The following IRF5 variants were observed in gnomAD, a reference collection of about 807,000 sequenced individuals.
The protein encoded by IRF5 is interferon regulatory factor 5.
A neutral mutation model predicts 55.1 loss-of-function variants in IRF5; 24 were observed. That is an observed-to-expected ratio of 0.44 (90% CI 0.32 to 0.61). The LOEUF is 0.61. Among genes scored for constraint, IRF5 ranks in the 20% least tolerant of loss-of-function variants. The pLI is 0.07. For missense variants in IRF5, 499 were observed against 658.5 expected (o/e 0.76, Z 2.65); for synonymous variants, 258 against 260.2 (o/e 0.99, Z 0.08).
rs1450583194 is a variant in IRF5, at chr7:128,948,305, G to A, written c.1276G>A (p.Glu426Lys). ...GEEWPDRKPR[E>K]KKLITVQVVP... ...AGAATGGCCTGACCGCAAACCCCGA[G>A]AGAAGAAGCTCATTACTGTACAGGT... Residue 426 changes from glutamate (E) to lysine (K), a missense_variant, in exon 8 of 9, where the codon GAG becomes AAG. Around this residue, in one of 2 missense-constraint regions of IRF5, gnomAD observed 194 missense variants for 318.3 expected, o/e 0.61. Transcript: ENST00000357234. This position sits in a 1 kb window ranked among gnomAD's most constrained non-coding sequence, Gnocchi z 4.6. 1 of 1,609,720 alleles carries A rather than the reference G, an allele frequency of 6.2e-7. No homozygotes were observed. Among genetic ancestry groups the A allele is most frequent in the African/African-American group, 1.3e-5 (1 of 74,430 alleles).
rs372880870 is a variant in IRF5, at chr7:128,942,183, A to G, written c.102A>G (p.Gln34=). The G allele has an allele frequency of 3.5e-5, 56 of 1,613,908 alleles. No homozygotes were observed. Among genetic ancestry groups the G allele is most frequent in the Non-Finnish European group, 4.5e-5 (53 of 1,179,974 alleles). ...ACAGCTGCCAGTACCCAGGGCTTCA[A>G]TGGGTCAACGGGGAAAAGAAATTAT... is the stretch of plus-strand genomic sequence containing the variant. ...QVNSCQYPGL[Q]WVNGEKKLFC... is the part of the protein sequence containing the mutation. The change falls in exon 2 of 9, where the codon CAA becomes CAG. Residue 34 remains glutamine (Q), a synonymous_variant. Transcript: ENST00000357234.
chr7:128,942,224 G>C lies in IRF5; in HGVS notation c.143G>C (p.Arg48Thr). Residue 48 changes from arginine to threonine, a missense_variant, in exon 2 of 9, where the codon AGG (arginine) becomes ACG (threonine). Physicochemically the swap from Arg to Thr is moderately conservative, Grantham distance 71. Around this residue, in one of 2 missense-constraint regions of IRF5, gnomAD observed 305 missense variants for 340.2 expected, o/e 0.90. Transcript: ENST00000357234. ...GEKKLFCIPW[R>T]HATRHGPSQD... ...AAGAAATTATTCTGCATCCCCTGGA[G>C]GCATGCCACAAGGCATGGTCCCAGC... 6.2e-7 allele frequency: 1 copy of C among 1,614,060 alleles called. No individual in the cohort carries two copies. The highest frequency in any genetic ancestry group is 8.5e-7 in the Non-Finnish European group (1 of 1,179,984).
Position 128,946,452 on chromosome 7 carries a change from T to C in IRF5, c.386-49T>C. The C allele has an allele frequency of 6.4e-7, 1 of 1,567,098 alleles. No homozygotes were observed. The highest frequency in any genetic ancestry group is 1.2e-5 in the South Asian group (1 of 85,166). On this transcript the variant is annotated intron_variant, in intron 3 of 8. Transcript: ENST00000357234. This position sits in a 1 kb window ranked among gnomAD's most constrained non-coding sequence, Gnocchi z 4.2. ...GCCTCTCAGGGGATCTTGCTTCTCC[T>C]CCGACATTGACTCCTTTACTGCCCT...
Position 128,949,026 on chromosome 7 carries a change from C to T in IRF5, c.*208C>T. Reference sequence around the variant, plus strand: ...TCTCCTGGGCTGTCTCTGGTCTGGTCAGCCTGGCTCTCGGGAAATTCAGCC... The same window carrying T: ...TCTCCTGGGCTGTCTCTGGTCTGGTTAGCCTGGCTCTCGGGAAATTCAGCC... On this transcript the variant is annotated 3_prime_UTR_variant, in exon 9 of 9. Coordinates refer to ENST00000357234, the MANE Select transcript of IRF5 (RefSeq NM_001098629.3). 3 of 603,854 alleles carry T rather than the reference C, an allele frequency of 5.0e-6. No homozygotes were observed. Among genetic ancestry groups the T allele is most frequent in the Non-Finnish European group, 2.9e-6 (1 of 348,010 alleles). The allele number at this position is 603,854 out of a possible 1,614,324, so 37.4% of individuals were successfully genotyped here. A position where few individuals can be genotyped will look rare whatever the true frequency, so the allele number is the denominator to read the frequency against.
chr7:128,948,948 G>T lies in IRF5; in HGVS notation c.*130G>T. The T allele has an allele frequency of 8.7e-7, 1 of 1,143,346 alleles. No homozygotes were observed. Among genetic ancestry groups the T allele is most frequent in the Non-Finnish European group, 1.2e-6 (1 of 822,980 alleles). The allele number at this position is 1,143,346 out of a possible 1,614,324, so 70.8% of individuals were successfully genotyped here. ...CTCTGGGTTTCCTGGAAGTGGATTT[G>T]GGCCAAGAAGGAGAGGGAGAAAGGC... On this transcript the variant is annotated 3_prime_UTR_variant, in exon 9 of 9. Transcript: ENST00000357234. This position sits in a 1 kb window ranked among gnomAD's most constrained non-coding sequence, Gnocchi z 4.6.
intron 1 of IRF5, among the ~76,000 whole-genome samples, chr7:128,939,353 C>A (rs1002796700): frequency 9.2e-5 from 14 of 152,084 alleles, no homozygotes; most frequent in African/African-American, 3.1e-4. Context: ...CTACCCTGAC[C>A]CTGGGAGGAA....
chr7:128,948,014 G>A lies in IRF5; in HGVS notation c.1073G>A (p.Cys358Tyr), dbSNP rs1563078240. 6.2e-7 allele frequency: 1 copy of A among 1,614,188 alleles called. No individual in the cohort carries two copies. Among genetic ancestry groups the A allele is most frequent in the African/African-American group, 1.3e-5 (1 of 75,064 alleles). Residue 358 changes from cysteine (C) to tyrosine (Y), a missense_variant, in exon 7 of 9, where the codon TGC becomes TAC. Cys to Tyr is a radical substitution (Grantham distance 194). Around this residue, in one of 2 missense-constraint regions of IRF5, gnomAD observed 194 missense variants for 318.3 expected, o/e 0.61. Transcript: ENST00000357234. The surrounding 1 kb of genome is among the most constrained non-coding windows in gnomAD (Gnocchi z 4.6). ...QDLYAIRLCQ[C>Y]KVFWSGPCAS... ...CTTTATGCCATCCGCCTGTGTCAGTGCAAGGTGTTCTGGAGCGGGCCTTGT... is the reference window on the plus strand; with the variant it reads ...CTTTATGCCATCCGCCTGTGTCAGTACAAGGTGTTCTGGAGCGGGCCTTGT...
rs190039770 is a variant in IRF5, at chr7:128,947,670, C to T, written c.788-59C>T. 981 of 1,525,220 alleles carry T rather than the reference C, an allele frequency of 6.4e-4. 1 individual carries two copies. Among genetic ancestry groups the T allele is most frequent in the Middle Eastern group, 9.0e-4 (5 of 5,556 alleles). 94.5% of individuals were successfully genotyped at this position (1,525,220 alleles called of 1,614,324 possible). ...GATGGGGCTGGGCCTGGCCACTGGG[C>T]TGCAGAATGGGGAGGCGTGGGGCTC... On this transcript the variant is annotated intron_variant, in intron 6 of 8. Coordinates refer to ENST00000357234, the MANE Select transcript of IRF5 (RefSeq NM_001098629.3). The surrounding 1 kb of genome is among the most constrained non-coding windows in gnomAD (Gnocchi z 6.5).
At chr7:128,939,524 T>C (rs1795910545) in intron 1 of IRF5, among the ~76,000 whole-genome samples, 1 of 151,990 alleles carries the variant, frequency 6.6e-6, no homozygotes. Context: ...CTGAGCTGGG[T>C]GTGGGTTTGC....
Position 128,942,201 on chromosome 7 carries a change from G to T in IRF5, c.120G>T (p.Lys40Asn), listed in dbSNP as rs780812353. 3.3e-5 allele frequency: 54 copies of T among 1,614,002 alleles called. No individual in the cohort carries two copies. Among genetic ancestry groups the T allele is most frequent in the Non-Finnish European group, 4.4e-5 (52 of 1,180,008 alleles). ...GGCTTCAATGGGTCAACGGGGAAAA[G>T]AAATTATTCTGCATCCCCTGGAGGC... ...YPGLQWVNGE[K>N]KLFCIPWRHA... is the part of the protein sequence containing the mutation. Residue 40 changes from lysine to asparagine, a missense_variant, in exon 2 of 9, where the codon AAG (lysine) becomes AAT (asparagine). By Grantham distance (94) the Lys-to-Asn change is moderately conservative. Around this residue, in one of 2 missense-constraint regions of IRF5, gnomAD observed 305 missense variants for 340.2 expected, o/e 0.90. Transcript: ENST00000357234.
In IRF5 at chr7:128,948,548, G is replaced by A. The variant is rs1402405826; in HGVS notation, c.1300-25G>A. The A allele has an allele frequency of 6.2e-7, 1 of 1,611,902 alleles. No homozygotes were observed. Among genetic ancestry groups the A allele is most frequent in the Non-Finnish European group, 8.5e-7 (1 of 1,179,702 alleles). On this transcript the variant is annotated intron_variant, in intron 8 of 8. Transcript: ENST00000357234. This position sits in a 1 kb window ranked among gnomAD's most constrained non-coding sequence, Gnocchi z 4.6. ...TGGCAGCCCTGCCACAGGTCTCCCT[G>A]TCTCATCTCCTCTTTGCCTCCCAGG...
rs770903109 is a variant in IRF5, at chr7:128,947,309, GCCCA to G, written c.563_566del (p.Pro188LeufsTer67). The G allele has an allele frequency of 2.4e-6, 1 of 415,960 alleles. No homozygotes were observed. The highest frequency in any genetic ancestry group is 3.4e-6 in the Non-Finnish European group (1 of 293,244). 25.8% of individuals were successfully genotyped at this position (415,960 alleles called of 1,614,324 possible). A position where few individuals can be genotyped will look rare whatever the true frequency, so the allele number is the denominator to read the frequency against. On this transcript the variant is annotated frameshift_variant, in exon 6 of 9. Coordinates refer to ENST00000357234, the MANE Select transcript of IRF5 (RefSeq NM_001098629.3). LOFTEE classifies it high-confidence loss of function. This position sits in a 1 kb window ranked among gnomAD's most constrained non-coding sequence, Gnocchi z 6.5. ...TCAAGTGGCCGCCCACTCTGCAGCCGCCCACTCTGCGGCCGCCTACTCTGCAGCC... is the reference window on the plus strand; with the variant it reads ...TCAAGTGGCCGCCCACTCTGCAGCCGCTCTGCGGCCGCCTACTCTGCAGCC...
chr7:128,944,175 A>G (rs1416111137), intron 2 of IRF5, among the ~76,000 whole-genome samples: 1 of 152,220 alleles, frequency 6.6e-6, no homozygotes, highest in Non-Finnish European at 1.5e-5. Context: ...CCTTTCCAAC[A>G]TACGTCCACA....
In IRF5 at chr7:128,948,340, C is replaced by T. The variant is rs372557060; in HGVS notation, c.1299+12C>T. ...TCATTACTGTACAGGTACATCTCCC[C>T]TATCCCAAAGTCGGCCTTGGCTTGA... On this transcript the variant is annotated intron_variant, in intron 8 of 8. Coordinates refer to ENST00000357234, the MANE Select transcript of IRF5 (RefSeq NM_001098629.3). This position sits in a 1 kb window ranked among gnomAD's most constrained non-coding sequence, Gnocchi z 4.6. 3 of 1,572,216 alleles carry T rather than the reference C, an allele frequency of 1.9e-6. No homozygotes were observed. Among genetic ancestry groups the T allele is most frequent in the Non-Finnish European group, 1.7e-6 (2 of 1,161,588 alleles).
rs200860703 is a variant in IRF5, at chr7:128,947,406, C to A, written c.658C>A (p.Pro220Thr). 1 of 1,610,924 alleles carries A rather than the reference C, an allele frequency of 6.2e-7. No individual in the cohort carries two copies. Residue 220 changes from proline (P) to threonine (T), a missense_variant, in exon 6 of 9, where the codon CCT becomes ACT. Physicochemically the swap from Pro to Thr is conservative, Grantham distance 38 (BLOSUM62 -1). Transcript: ENST00000357234. This position sits in a 1 kb window ranked among gnomAD's most constrained non-coding sequence, Gnocchi z 6.5. ...AGACCCCAGCCCCCTGGCTCCTCCC[C>A]CTGGCAACCCTGCTGGCTTCAGGGA... ...APDPSPLAPP[P>T]GNPAGFRELL...
At chr7:128,940,444 G>A (rs1357387107) in intron 1 of IRF5, 1 of 152,328 alleles carries the variant, frequency 6.6e-6, no homozygotes, top group Non-Finnish European at 1.5e-5. Flanking sequence ...CCTCTCAGGG[G>A]TCTACAGATA....
Position 128,947,643 on chromosome 7 carries a change from C to A in IRF5, c.788-86C>A. 6.7e-7 allele frequency: 1 copy of A among 1,503,228 alleles called. No homozygotes were observed. Among genetic ancestry groups the A allele is most frequent in the South Asian group, 1.3e-5 (1 of 77,394 alleles). 93.1% of individuals were successfully genotyped at this position (1,503,228 alleles called of 1,614,324 possible). A position where few individuals can be genotyped will look rare whatever the true frequency, so the allele number is the denominator to read the frequency against. ...CCCTTGGGTGGGAAAAGTGGGAGGG[C>A]GGATGGGGCTGGGCCTGGCCACTGG... On this transcript the variant is annotated intron_variant, in intron 6 of 8. Coordinates refer to ENST00000357234, the MANE Select transcript of IRF5 (RefSeq NM_001098629.3). This position sits in a 1 kb window ranked among gnomAD's most constrained non-coding sequence, Gnocchi z 6.5.
chr7:128,937,227 G>A (rs79718167), upstream of IRF5, among the ~76,000 whole-genome samples: 1,254 of 152,340 alleles, frequency 8.2e-3, 8 homozygotes, highest in Non-Finnish European at 0.012. Flanking sequence ...AAGAGCAAGA[G>A]TTACCAAGCG....
Position 128,946,465 on chromosome 7 carries a change from C to T in IRF5, c.386-36C>T, listed in dbSNP as rs1216661637. 6.3e-7 allele frequency: 1 copy of T among 1,583,198 alleles called. No homozygotes were observed. Among genetic ancestry groups the T allele is most frequent in the Non-Finnish European group, 8.6e-7 (1 of 1,164,152 alleles). On this transcript the variant is annotated intron_variant, in intron 3 of 8. Coordinates refer to ENST00000357234, the MANE Select transcript of IRF5 (RefSeq NM_001098629.3). The surrounding 1 kb of genome is among the most constrained non-coding windows in gnomAD (Gnocchi z 4.2). ...TCTTGCTTCTCCTCCGACATTGACT[C>T]CTTTACTGCCCTGCTTTTCTCTCCC...
Sources: allele counts gnomAD v4.1 joint callset (sites outside exome capture counted in the v4.1 genomes callset), GRCh38; gene constraint gnomAD v4.1.1; regional missense constraint gnomAD v4.1.1; non-coding constraint Gnocchi (gnomAD v3.1); transcripts MANE v1.5; gene names NCBI Gene and HGNC (gene_info 2026-07-23, HGNC 2026-07-21).